The following CSMD1 variants were observed in gnomAD, a reference collection of about 807,000 sequenced individuals.
CSMD1 encodes CUB and sushi domain-containing protein 1.
Under a neutral mutation model 417.5 loss-of-function variants are expected in CSMD1, and 213 were observed. The observed-to-expected ratio is 0.51, with a 90% confidence interval of 0.46 to 0.57. The LOEUF (loss-of-function observed/expected upper bound fraction) is 0.57, where lower values mean the gene tolerates loss of function less well. Among genes scored for constraint, CSMD1 ranks in the 20% least tolerant of loss-of-function variants. The pLI is 0.00. For synonymous variants in CSMD1, 2,862 were observed against 1,736.8 expected (o/e 1.65, Z -16.11); for missense variants, 6,923 against 4,529.7 (o/e 1.53, Z -15.17).
At chr8:4,076,907 T>C (rs1345737037) in intron 3 of CSMD1, among the ~76,000 whole-genome samples, 1 of 152,142 alleles carries the variant, frequency 6.6e-6, no homozygotes, top group East Asian at 1.9e-4. Flanking sequence ...TACTGAAATT[T>C]TGAACTATAA....
chr8:3,699,448 G>C (rs978671435), intron 7 of CSMD1, among the ~76,000 whole-genome samples: 4 of 152,188 alleles, frequency 2.6e-5, no homozygotes. Flanking sequence ...CAAGTCTACA[G>C]ATAAGACATT....
At chr8:4,968,628 T>A (rs1032323917) in intron 1 of CSMD1, among the ~76,000 whole-genome samples, 1 of 152,178 alleles carries the variant, frequency 6.6e-6, no homozygotes, top group East Asian at 1.9e-4. Flanking sequence ...CCCTCAGTGC[T>A]GATTTCAAAT....
intron 2 of CSMD1, among the ~76,000 whole-genome samples, chr8:4,529,721 G>A (rs916013572): frequency 6.6e-6 from 1 of 151,612 alleles, no homozygotes; most frequent in Admixed American, 6.6e-5. Flanking sequence ...ATCCTACTAT[G>A]GGGTTCTTAC....
intron 3 of CSMD1, among the ~76,000 whole-genome samples, chr8:4,081,144 A>T (rs1478647304): frequency 1.3e-5 from 2 of 152,070 alleles, no homozygotes; most frequent in Non-Finnish European, 2.9e-5. Flanking sequence ...TTGATCTTAG[A>T]CTTCCCAGCC....
chr8:3,488,083 A>ACAGTATTATTAT (rs1444687771), intron 11 of CSMD1, among the ~76,000 whole-genome samples: 1 of 122,034 alleles, frequency 8.2e-6, no homozygotes, highest in African/African-American at 3.2e-5. Context: ...TTAGAAACTC[A>ACAGTATTATTAT]TAGTATTATT....
intron 3 of CSMD1, among the ~76,000 whole-genome samples, chr8:4,371,995 A>C (rs1233377927): frequency 3.9e-5 from 6 of 152,202 alleles, no homozygotes; most frequent in Non-Finnish European, 8.8e-5. Flanking sequence ...ATGACTGAAG[A>C]CATAAGAGTT....
chr8:4,836,418 C>G (rs950305594), intron 1 of CSMD1, among the ~76,000 whole-genome samples: 3 of 152,138 alleles, frequency 2.0e-5, no homozygotes, highest in African/African-American at 7.2e-5. Context: ...TTATCACCAG[C>G]CAGGGGGAAG....
intron 26 of CSMD1, among the ~76,000 whole-genome samples, chr8:3,241,428 G>A (rs577870778): frequency 2.6e-5 from 4 of 152,188 alleles, no homozygotes; most frequent in East Asian, 3.9e-4. Context: ...CCTAAAGCTC[G>A]GCATCTGTGT....
chr8:4,033,207 G>A (rs555897764), intron 3 of CSMD1, among the ~76,000 whole-genome samples: 29 of 148,212 alleles, frequency 2.0e-4, no homozygotes, highest in African/African-American at 5.7e-4. Context: ...TTGGGAGGCC[G>A]AGGCAGGAGG....
intron 10 of CSMD1, among the ~76,000 whole-genome samples, chr8:3,550,930 C>A (rs1160483803): frequency 6.6e-6 from 1 of 152,152 alleles, no homozygotes; most frequent in Non-Finnish European, 1.5e-5. Flanking sequence ...AAATGTGTCT[C>A]TGCTTTTCTC....
chr8:3,795,696 GATAT>G lies in CSMD1; in HGVS notation c.819-41658_819-41655del, dbSNP rs1297758143. ...TATATATCTATCATGTATAGATATA[GATAT>G]ATATCTATCAAGTACAGCTATAGAT... On this transcript the variant is annotated intron_variant, in intron 5 of 69. Coordinates refer to ENST00000635120, the MANE Select transcript of CSMD1 (RefSeq NM_033225.6). Among the ~76,000 whole-genome samples the G allele has an allele frequency of 6.4e-4, 26 of 40,356 alleles. 13 individuals carry two copies. The highest frequency in any genetic ancestry group is 2.4e-3 in the African/African-American group (22 of 9,020). The allele number at this position is 40,356 out of a possible 152,430, so 26.5% of individuals were successfully genotyped here.
At chr8:4,195,326 A>T (rs1036604437) in intron 3 of CSMD1, among the ~76,000 whole-genome samples, 1 of 152,200 alleles carries the variant, frequency 6.6e-6, no homozygotes, top group Admixed American at 6.5e-5. Context: ...GGCAAATTCT[A>T]TAGAACAGGA....
At chr8:4,567,889 A>G (rs1798690600) in intron 2 of CSMD1, among the ~76,000 whole-genome samples, 1 of 152,184 alleles carries the variant, frequency 6.6e-6, no homozygotes, top group Non-Finnish European at 1.5e-5. Flanking sequence ...TAGTCTTTTC[A>G]TTTTTTAATG....
intron 1 of CSMD1, among the ~76,000 whole-genome samples, chr8:4,772,526 T>A (rs1369468279): frequency 6.6e-6 from 1 of 152,332 alleles, no homozygotes; most frequent in African/African-American, 2.4e-5. Flanking sequence ...ACAGCATGGA[T>A]ATTTTGAGAA....
rs371954910 is a variant in CSMD1, at chr8:2,996,159, A to T, written c.8377+1852T>A. Among the ~76,000 whole-genome samples the T allele has an allele frequency of 2.5e-3, 375 of 151,532 alleles. 3 individuals carry two copies. The highest frequency in any genetic ancestry group is 8.6e-3 in the African/African-American group (355 of 41,102). On this transcript the variant is annotated intron_variant, in intron 54 of 69. Transcript: ENST00000635120. ...GAATGTATTTACTCATTCAACAGAG[A>T]AAAGGAGGACTTTAATGGGAAAAAA...
At chr8:4,282,520 T>G (rs530180035) in intron 3 of CSMD1, among the ~76,000 whole-genome samples, 1 of 152,352 alleles carries the variant, frequency 6.6e-6, no homozygotes, top group South Asian at 2.1e-4. Context: ...GCTTTGCGTT[T>G]GTAAAGCAAC....
At chr8:3,634,743 T>TA (rs1796949574) in intron 7 of CSMD1, among the ~76,000 whole-genome samples, 1 of 152,118 alleles carries the variant, frequency 6.6e-6, no homozygotes, top group African/African-American at 2.4e-5. Flanking sequence ...GAGCCATGAT[T>TA]AAGGCACACA....
intron 41 of CSMD1, among the ~76,000 whole-genome samples, chr8:3,130,733 T>C (rs1420517115): frequency 6.6e-6 from 1 of 151,406 alleles, no homozygotes; most frequent in Non-Finnish European, 1.5e-5. Context: ...CCCCAGAGAG[T>C]GGCAGACCCC....
At chr8:3,498,300 A>G (rs1409037370) in intron 10 of CSMD1, among the ~76,000 whole-genome samples, 1 of 152,146 alleles carries the variant, frequency 6.6e-6, no homozygotes, top group Non-Finnish European at 1.5e-5. Context: ...TTTTGGAGGT[A>G]TATGTGGTAC....
Sources: gnomAD v4.1 joint callset for allele counts (sites outside exome capture counted in the v4.1 genomes callset) on GRCh38, gnomAD v4.1.1 for gene constraint, MANE v1.5 for transcripts, NCBI Gene and HGNC (gene_info 2026-07-23, HGNC 2026-07-21) for gene names.